Variants in FBF1 observed in about 807,000 individuals in gnomAD.
FBF1 encodes fas-binding factor 1.
A neutral mutation model predicts 147.2 loss-of-function variants in FBF1; 119 were observed. That is an observed-to-expected ratio of 0.81 (90% CI 0.70 to 0.94). The LOEUF (loss-of-function observed/expected upper bound fraction) is 0.94, where lower values mean the gene tolerates loss of function less well. FBF1 is among the 40% of genes least tolerant of loss of function. The pLI, the probability that FBF1 is intolerant of heterozygous loss-of-function variation, is 0.00. For missense variants in FBF1, 1,449 were observed against 1,500.8 expected (o/e 0.97, Z 0.57); for synonymous variants, 601 against 609.0 (o/e 0.99, Z 0.19).
In FBF1 at chr17:75,922,905, TCTC is replaced by T. The variant is rs1001957422; in HGVS notation, c.1424+278_1424+280del. On this transcript the variant is annotated intron_variant, in intron 14 of 29. Coordinates refer to ENST00000636174, the MANE Select transcript of FBF1 (RefSeq NM_001319193.2). The surrounding 1 kb of genome is among the most constrained non-coding windows in gnomAD (Gnocchi z 5.0). ...CTGCCACCTCAGGGACCCTCTGTCT[TCTC>T]CTCGATCAAGTTAGCACCTGTCCCC... Among the ~76,000 whole-genome samples the T allele has an allele frequency of 3.5e-4, 54 of 152,264 alleles. No individual in the cohort carries two copies. Among genetic ancestry groups the T allele is most frequent in the African/African-American group, 1.1e-3 (44 of 41,534 alleles).
At position 75,918,089 on chromosome 17, in the gene FBF1, AC is replaced by A. The variant is rs773503907; in HGVS notation, c.2247-20del. On this transcript the variant is annotated intron_variant, in intron 21 of 29. Coordinates refer to ENST00000636174, the MANE Select transcript of FBF1 (RefSeq NM_001319193.2). This position sits in a 1 kb window ranked among gnomAD's most constrained non-coding sequence, Gnocchi z 5.8. ...CAGGGACCTGGAAGAAGACTGGGTC[AC>A]CCCCTCCTGACGGTCTCGGGGACCT... 30 of 1,604,920 alleles carry A rather than the reference AC, an allele frequency of 1.9e-5. No individual in the cohort carries two copies. The Admixed American group carries it at 4.9e-4, about 26-fold the overall frequency.
chr17:75,926,958 G>A (rs1175707645), intron 9 of FBF1, 81 bp from the exon 10 acceptor site: 30 of 1,533,834 alleles, frequency 2.0e-5, no homozygotes, highest in Middle Eastern at 3.5e-4. Context: ...AGCAGCGCTC[G>A]AGTCAAGGCT....
Position 75,910,536 on chromosome 17 carries a change from G to A in FBF1, c.*187C>T. The A allele has an allele frequency of 5.1e-6, 3 of 590,868 alleles. No individual in the cohort carries two copies. The highest frequency in any genetic ancestry group is 2.0e-5 in the South Asian group (1 of 49,842). The allele number at this position is 590,868 out of a possible 1,614,324, so 36.6% of individuals were successfully genotyped here. A position where few individuals can be genotyped will look rare whatever the true frequency, so the allele number is the denominator to read the frequency against. Reference sequence around the variant, plus strand: ...AGATAGCCTACACCACAGAGCCCCAGAGGCAGGGGCTGCCCCGGGCTGGCA... The same window carrying A: ...AGATAGCCTACACCACAGAGCCCCAAAGGCAGGGGCTGCCCCGGGCTGGCA... On this transcript the variant is annotated 3_prime_UTR_variant, in exon 30 of 30. Transcript: ENST00000636174. The surrounding 1 kb of genome is among the most constrained non-coding windows in gnomAD (Gnocchi z 4.1).
At chr17:75,935,715 A>C in intron 3 of FBF1, 42 bp from the exon 4 acceptor site, 1 of 1,522,746 alleles carries the variant, frequency 6.6e-7, no homozygotes, top group Non-Finnish European at 8.8e-7. Flanking sequence ...GGAGGAAAGA[A>C]GAGTGGCCCT....
At chr17:75,935,504 G>C (rs2065618907) in intron 4 of FBF1, 128 bp downstream of exon 4, 1 of 932,702 alleles carries the variant, frequency 1.1e-6, no homozygotes, top group African/African-American at 1.7e-5. Context: ...TGTAATCCCA[G>C]CACTTTGGTT....
intron 2 of FBF1, chr17:75,937,923 GAC>G (rs2065634796): frequency 1.5e-6 from 1 of 653,684 alleles, no homozygotes; most frequent in African/African-American, 1.8e-5. Context: ...CAATACCAGT[GAC>G]AGACACTTAA....
rs1291671041 is a variant in FBF1, at chr17:75,921,312, C to A, written c.1616-10G>T. On this transcript the variant is annotated splice_polypyrimidine_tract_variant and intron_variant, in intron 16 of 29. Coordinates refer to ENST00000636174, the MANE Select transcript of FBF1 (RefSeq NM_001319193.2). ...AAACACGTGGCAGGCTCTGAAACAT[C>A]AACAACAGAGAAATGAACAGGAGGC... 2 of 1,586,160 alleles carry A rather than the reference C, an allele frequency of 1.3e-6. No homozygotes were observed. Among genetic ancestry groups the A allele is most frequent in the Non-Finnish European group, 1.7e-6 (2 of 1,166,114 alleles).
At chr17:75,929,946 CCCCACCCCA>C in intron 7 of FBF1, 42 bp downstream of exon 7, 27 of 409,670 alleles carry the variant, frequency 6.6e-5, no homozygotes, top group Non-Finnish European at 1.1e-4. Context: ...AATATCATGA[CCCCACCCCA>C]CCCACCCCCA....
In FBF1 at chr17:75,921,246, G is replaced by A; in HGVS notation, c.1672C>T (p.Gln558Ter). The change falls in exon 17 of 30, where the codon CAG becomes TAG. Residue 558 changes from glutamine (Q) to a stop codon, truncating the protein, a stop_gained and splice_region_variant. Transcript: ENST00000636174. LOFTEE classifies it high-confidence loss of function. ...QKPTEPSVPV[Q>*]PLLPESLARS... ...GACCTGTCTGCCCACACCCCTACCT[G>A]GACGGGCACGGAAGGCTCTGTGGGT... The A allele has an allele frequency of 6.3e-7, 1 of 1,585,184 alleles. No homozygotes were observed. Among genetic ancestry groups the A allele is most frequent in the South Asian group, 1.2e-5 (1 of 86,690 alleles).
Position 75,925,525 on chromosome 17 carries a change from G to T in FBF1, c.869-79C>A. ...TTGCGGCTGCAAAATTCTAACAAAAGCTGAATTTGGTAGCTTGTTGTGTAA... is the reference window on the plus strand; with the variant it reads ...TTGCGGCTGCAAAATTCTAACAAAATCTGAATTTGGTAGCTTGTTGTGTAA... On this transcript the variant is annotated intron_variant, in intron 12 of 29. Transcript: ENST00000636174. The surrounding 1 kb of genome is among the most constrained non-coding windows in gnomAD (Gnocchi z 5.0). 8.0e-7 allele frequency: 1 copy of T among 1,244,642 alleles called. No individual in the cohort carries two copies. The highest frequency in any genetic ancestry group is 1.1e-6 in the Non-Finnish European group (1 of 878,448). 77.1% of individuals were successfully genotyped at this position (1,244,642 alleles called of 1,614,324 possible).
At chr17:75,937,974 C>CCTTGGT in intron 2 of FBF1, 173 bp downstream of exon 2, 1 of 934,680 alleles carries the variant, frequency 1.1e-6, no homozygotes, top group Non-Finnish European at 1.6e-6. Context: ...TCAGAAGAAA[C>CCTTGGT]CTTGGTCGTC....
In FBF1 at chr17:75,938,608, T is replaced by TC. The variant is rs1403301744; in HGVS notation, c.-83-377dup. Among the ~76,000 whole-genome samples the TC allele has an allele frequency of 2.2e-5, 3 of 137,428 alleles. No individual in the cohort carries two copies. The East Asian group carries it at 6.9e-4, about 32-fold the overall frequency. The allele number at this position is 137,428 out of a possible 152,430, so 90.2% of individuals were successfully genotyped here. ...CGGGCGCGATGGCTCATGCCTGTAATCCCAAAACTCTTTGGGAGGCCGAGG... is the reference window on the plus strand; with the variant it reads ...CGGGCGCGATGGCTCATGCCTGTAATCCCCAAAACTCTTTGGGAGGCCGAGG... On this transcript the variant is annotated intron_variant, in intron 1 of 29. Coordinates refer to ENST00000636174, the MANE Select transcript of FBF1 (RefSeq NM_001319193.2).
intron 23 of FBF1, 121 bp downstream of exon 23, chr17:75,917,611 G>A (rs2065496070): frequency 1.2e-6 from 1 of 862,544 alleles, no homozygotes; most frequent in Non-Finnish European, 1.8e-6. Flanking sequence ...GCAGGAAGCG[G>A]CAGGTGGGGC....
chr17:75,933,223 A>G (rs2065605052), intron 4 of FBF1, 135 bp from the exon 5 acceptor site: 5 of 586,212 alleles, frequency 8.5e-6, no homozygotes, highest in Non-Finnish European at 1.5e-5. Flanking sequence ...GCAGGTCCCA[A>G]TGTCACCCCT....
chr17:75,929,946 C>CCG, intron 7 of FBF1, 51 bp downstream of exon 7: 3 of 409,724 alleles, frequency 7.3e-6, no homozygotes, highest in East Asian at 7.1e-5. Context: ...AATATCATGA[C>CCG]CCCACCCCAC....
chr17:75,924,086 C>G (rs760063563), intron 13 of FBF1, among the ~76,000 whole-genome samples: 2 of 151,890 alleles, frequency 1.3e-5, no homozygotes, highest in East Asian at 3.9e-4. Context: ...TGGTGGTGGG[C>G]GCCTGTAATC....
At chr17:75,927,141 G>A (rs555497087) in intron 9 of FBF1, among the ~76,000 whole-genome samples, 2 of 152,324 alleles carry the variant, frequency 1.3e-5, no homozygotes, top group South Asian at 2.1e-4. Flanking sequence ...TCTGCAGGCT[G>A]CATGGCCTTC....
Position 75,923,619 on chromosome 17 carries a change from C to T in FBF1, c.991G>A (p.Ala331Thr), listed in dbSNP as rs751769199. Residue 331 changes from alanine to threonine, a missense_variant, in exon 14 of 30, where the codon GCA becomes ACA. Transcript: ENST00000636174. The surrounding 1 kb of genome is among the most constrained non-coding windows in gnomAD (Gnocchi z 4.1). ...SVSRFFADSGADPKGEPGSKQ... is the reference protein window; with the variant it reads ...SVSRFFADSGTDPKGEPGSKQ... Reference sequence around the variant, plus strand: ...GAGCCTGGTTCTCCCTTGGGGTCTGCGCCACTGTCTGCGAAGAACCTACTT... The same window carrying T: ...GAGCCTGGTTCTCCCTTGGGGTCTGTGCCACTGTCTGCGAAGAACCTACTT... 1.4e-5 allele frequency: 23 copies of T among 1,606,992 alleles called. No homozygotes were observed. Among genetic ancestry groups the T allele is most frequent in the South Asian group, 5.6e-5 (5 of 89,876 alleles).
rs756218697 is a variant in FBF1 at position 75,920,372 on chromosome 17, G to T, written c.1732C>A (p.Gln578Lys). 9.3e-6 allele frequency: 15 copies of T among 1,605,910 alleles called. No individual in the cohort carries two copies. Among genetic ancestry groups the T allele is most frequent in the Admixed American group, 1.7e-5 (1 of 58,770 alleles). Residue 578 changes from glutamine to lysine, a missense_variant, in exon 18 of 30, where the codon CAG becomes AAG. Coordinates refer to ENST00000636174, the MANE Select transcript of FBF1 (RefSeq NM_001319193.2). ...AGTTGCACCTGTGCTGCCAGGAGCT[G>T]CTTCTGGTATTCTGTGCTCGGCAGC... is the stretch of plus-strand genomic sequence containing the variant. Reference protein sequence around the residue: ...SLLPSTEYQKQLLAAQVQLQC... With the variant: ...SLLPSTEYQKKLLAAQVQLQC...
Sources: allele counts gnomAD v4.1 joint callset (sites outside exome capture counted in the v4.1 genomes callset), GRCh38; gene constraint gnomAD v4.1.1; non-coding constraint Gnocchi (gnomAD v3.1); transcripts MANE v1.5; gene names NCBI Gene and HGNC (gene_info 2026-07-23, HGNC 2026-07-21).